Variants in PRKN observed in about 807,000 individuals in gnomAD.
The protein encoded by PRKN is E3 ubiquitin-protein ligase parkin.
In PRKN, 56 loss-of-function variants were observed where a neutral mutation model predicts 59.5. That is an observed-to-expected ratio of 0.94 (90% CI 0.76 to 1.18). The LOEUF (loss-of-function observed/expected upper bound fraction) is 1.18. PRKN is among the 50% of genes most tolerant of loss of function. The pLI, the probability that PRKN is intolerant of heterozygous loss-of-function variation, is 0.00. For synonymous variants in PRKN, 250 were observed against 222.1 expected (o/e 1.13, Z -1.12); for missense variants, 657 against 596.4 (o/e 1.10, Z -1.06).
chr6:162,225,667 T>A (rs9355990), intron 3 of PRKN, among the ~76,000 whole-genome samples: 63,286 of 151,872 alleles, frequency 0.42, 15,089 homozygotes, highest in East Asian at 0.8. Flanking sequence ...TCCAATGCTG[T>A]ACACACAGCA....
At chr6:161,703,425 A>AC (rs1176322454) in intron 7 of PRKN, among the ~76,000 whole-genome samples, 2 of 152,256 alleles carry the variant, frequency 1.3e-5, no homozygotes, top group African/African-American at 4.8e-5. Flanking sequence ...TAAAGTCCTG[A>AC]CCAGGTATCA....
chr6:162,380,433 G>GTATA (rs776880113), intron 2 of PRKN, among the ~76,000 whole-genome samples: 6 of 121,494 alleles, frequency 4.9e-5, no homozygotes, highest in Non-Finnish European at 8.6e-5. Flanking sequence ...ATATATGTGT[G>GTATA]TATATATATA....
At chr6:161,914,602 C>T (rs1778485718) in intron 6 of PRKN, among the ~76,000 whole-genome samples, 1 of 152,018 alleles carries the variant, frequency 6.6e-6, no homozygotes, top group South Asian at 2.1e-4. Flanking sequence ...GTGTCAAGAG[C>T]TCTGCCATAA....
At position 161,518,627 on chromosome 6, in the gene PRKN, A is replaced by T. The variant is rs1293311382; in HGVS notation, c.1083+30227T>A. On this transcript the variant is annotated intron_variant, in intron 9 of 11. Transcript: ENST00000366898. The surrounding 1 kb of genome is among the most constrained non-coding windows in gnomAD (Gnocchi z 5.0). ...AATGCCACGGCCTCCCCCTAGCAGC[A>T]CAAGCCCAGCCTCCGCTCACCCAGC... is the stretch of plus-strand genomic sequence containing the variant. Among the ~76,000 whole-genome samples the T allele has an allele frequency of 6.6e-6, 1 of 152,196 alleles. No individual in the cohort carries two copies. The highest frequency in any genetic ancestry group is 1.5e-5 in the Non-Finnish European group (1 of 68,030).
intron 7 of PRKN, among the ~76,000 whole-genome samples, chr6:161,754,441 G>A (rs915204882): frequency 6.6e-6 from 1 of 152,204 alleles, no homozygotes. Flanking sequence ...GGGCCATGGC[G>A]GAGGCTGTCC....
At chr6:161,398,964 A>G (rs1010895108) in intron 9 of PRKN, among the ~76,000 whole-genome samples, 4 of 152,174 alleles carry the variant, frequency 2.6e-5, no homozygotes, top group African/African-American at 9.7e-5. Context: ...TCCTGTTTTC[A>G]CACCCAAATG....
At chr6:161,672,968 C>T (rs533368155) in intron 7 of PRKN, among the ~76,000 whole-genome samples, 1 of 152,258 alleles carries the variant, frequency 6.6e-6, no homozygotes, top group African/African-American at 2.4e-5. Context: ...ATCAATGGAA[C>T]ATGCACAACC....
chr6:162,070,952 G>C (rs1778550486), intron 4 of PRKN, among the ~76,000 whole-genome samples: 1 of 152,094 alleles, frequency 6.6e-6, no homozygotes, highest in Admixed American at 6.5e-5. Flanking sequence ...TACCCTAAGA[G>C]AGAGGAAGTA....
At chr6:162,726,002 T>C (rs1354376612) in intron 1 of PRKN, among the ~76,000 whole-genome samples, 1 of 152,184 alleles carries the variant, frequency 6.6e-6, no homozygotes, top group East Asian at 1.9e-4. Context: ...CTCCATGTCA[T>C]TACCAGTAAT....
chr6:161,796,985 C>T (rs1790876394), intron 6 of PRKN, among the ~76,000 whole-genome samples: 1 of 152,072 alleles, frequency 6.6e-6, no homozygotes, highest in Non-Finnish European at 1.5e-5. Context: ...GGATAAGAAC[C>T]CCACTGTGAA....
At chr6:162,680,742 T>C (rs1238144960) in intron 1 of PRKN, among the ~76,000 whole-genome samples, 1 of 152,180 alleles carries the variant, frequency 6.6e-6, no homozygotes, top group East Asian at 1.9e-4. Flanking sequence ...ATAGAGTAAA[T>C]AATCACTCCT....
intron 9 of PRKN, among the ~76,000 whole-genome samples, chr6:161,476,320 A>T (rs573152096): frequency 4.2e-4 from 64 of 152,282 alleles, no homozygotes; most frequent in African/African-American, 1.5e-3. Context: ...ATTACATCCT[A>T]AAAAAAGCTG....
chr6:161,835,007 C>G (rs1033685803), intron 6 of PRKN, among the ~76,000 whole-genome samples: 17 of 152,116 alleles, frequency 1.1e-4, no homozygotes, highest in Admixed American at 9.8e-4. Flanking sequence ...CCTATACTCA[C>G]TAGGCATCAT....
chr6:162,168,556 CAAAAAAAAAAA>C (rs771060815), intron 4 of PRKN, among the ~76,000 whole-genome samples: 14 of 47,310 alleles, frequency 3.0e-4, no homozygotes, highest in East Asian at 1.5e-3. Context: ...ATCTGTTTTA[CAAAAAAAAAAA>C]AAAAAAAAAA....
chr6:162,542,916 A>G (rs1554239672), intron 1 of PRKN, among the ~76,000 whole-genome samples: 1 of 151,900 alleles, frequency 6.6e-6, no homozygotes, highest in Non-Finnish European at 1.5e-5. Flanking sequence ...TGCCCTAACC[A>G]CTGATGGACA....
intron 5 of PRKN, among the ~76,000 whole-genome samples, chr6:161,991,285 C>T (rs1219047627): frequency 1.3e-5 from 2 of 152,148 alleles, no homozygotes; most frequent in African/African-American, 4.8e-5. Flanking sequence ...TGTACCATCA[C>T]GAAAACACAC....
chr6:161,496,114 G>A (rs904060937), intron 9 of PRKN, among the ~76,000 whole-genome samples: 2 of 152,218 alleles, frequency 1.3e-5, no homozygotes, highest in Admixed American at 1.3e-4. Flanking sequence ...TAACATGTAA[G>A]TGATGTGCTC....
intron 2 of PRKN, among the ~76,000 whole-genome samples, chr6:162,366,781 C>T (rs780123443): frequency 2.0e-5 from 3 of 152,050 alleles, no homozygotes; most frequent in Non-Finnish European, 4.4e-5. Flanking sequence ...GGTACATAAT[C>T]CCAGCTACTT....
chr6:161,831,934 C>A (rs919458373), intron 6 of PRKN, among the ~76,000 whole-genome samples: 1 of 152,186 alleles, frequency 6.6e-6, no homozygotes, highest in Non-Finnish European at 1.5e-5. Flanking sequence ...GACTGGGGAG[C>A]CACAAGGGCC....
Sources: allele counts gnomAD v4.1 joint callset (sites outside exome capture counted in the v4.1 genomes callset), GRCh38; gene constraint gnomAD v4.1.1; non-coding constraint Gnocchi (gnomAD v3.1); transcripts MANE v1.5; gene names NCBI Gene and HGNC (gene_info 2026-07-23, HGNC 2026-07-21).